AMTN: variants seen among roughly 807,000 people sequenced by gnomAD.
AMTN encodes RSTI689.
AMTN carries 29 observed loss-of-function variants against 27.4 expected under a neutral mutation model. That is an observed-to-expected ratio of 1.06 (90% CI 0.79 to 1.44). The LOEUF is 1.44. Among genes scored for constraint, AMTN ranks in the 40% most tolerant of loss-of-function variants. AMTN has a pLI of 0.00. For synonymous variants in AMTN, 86 were observed against 95.7 expected (o/e 0.90, Z 0.59); for missense variants, 247 against 248.8 (o/e 0.99, Z 0.05).
intron 5 of AMTN, among the ~76,000 whole-genome samples, chr4:70,527,894 T>C (rs150016649): frequency 5.6e-4 from 86 of 152,292 alleles, no homozygotes; most frequent in African/African-American, 1.9e-3. Context: ...CCTTGAATTA[T>C]TTCTCGCCTA....
chr4:70,529,631 C>T (rs1736173213), intron 7 of AMTN, among the ~76,000 whole-genome samples: 1 of 152,104 alleles, frequency 6.6e-6, no homozygotes, highest in Non-Finnish European at 1.5e-5. Flanking sequence ...TTTCCAGCGT[C>T]AGATAGTGAT....
At chr4:70,530,191 C>A (rs2109775117) in intron 7 of AMTN, among the ~76,000 whole-genome samples, 1 of 151,360 alleles carries the variant, frequency 6.6e-6, no homozygotes, top group East Asian at 1.9e-4. Context: ...ACACAACTCA[C>A]AATAGCAACT....
chr4:70,525,065 G>A, intron 5 of AMTN, 104 bp downstream of exon 5: 16 of 1,004,736 alleles, frequency 1.6e-5, no homozygotes, highest in Non-Finnish European at 2.4e-5. Context: ...ATTTTGCCCA[G>A]ATTATTAACT....
intron 2 of AMTN, among the ~76,000 whole-genome samples, chr4:70,519,826 G>A (rs901997400): frequency 2.6e-5 from 4 of 151,736 alleles, no homozygotes; most frequent in African/African-American, 9.7e-5. Context: ...TGAAGGAAAT[G>A]AACAGGGTGG....
Position 70,520,810 on chromosome 4 carries a change from A to T in AMTN, c.55-1945A>T, listed in dbSNP as rs1735936249. The stretch of plus-strand genomic sequence containing the variant: ...GGGCAGGCTGCATGTTCAGGACAGC[A>T]GTCAGGTTTGGCCTCAATAAGAGGG... On this transcript the variant is annotated intron_variant, in intron 2 of 8. Transcript: ENST00000339336. Among the ~76,000 whole-genome samples, 10 of 152,298 alleles carry T rather than the reference A, an allele frequency of 6.6e-5. No individual in the cohort carries two copies. The South Asian group carries it at 2.1e-3, about 32-fold the overall frequency.
chr4:70,524,912 A>G lies in AMTN; in HGVS notation c.245A>G (p.His82Arg). The G allele has an allele frequency of 6.2e-7, 1 of 1,614,040 alleles. No homozygotes were observed. Among genetic ancestry groups the G allele is most frequent in the Non-Finnish European group, 8.5e-7 (1 of 1,179,944 alleles). ...GGAATGACACCTGGTACCCAGACCC[A>G]CCCATTGACCCTGGGAGGGTTGAAT... Reference protein sequence around the residue: ...AAGMTPGTQTHPLTLGGLNVQ... With the variant: ...AAGMTPGTQTRPLTLGGLNVQ... The change falls in exon 5 of 9, where the codon CAC (histidine) becomes CGC (arginine). Residue 82 changes from histidine (H) to arginine (R), a missense_variant. Coordinates refer to ENST00000339336, the MANE Select transcript of AMTN (RefSeq NM_212557.4).
chr4:70,518,683 G>A, intron 1 of AMTN, 29 bp downstream of exon 1: 2 of 997,854 alleles, frequency 2.0e-6, no homozygotes, highest in South Asian at 1.3e-5. Context: ...GTTTCAAGTA[G>A]AACTTTTGTT....
intron 8 of AMTN, 50 bp from the exon 9 acceptor site, chr4:70,532,405 G>A (rs1195209745): frequency 4.9e-6 from 7 of 1,430,218 alleles, no homozygotes; most frequent in African/African-American, 4.3e-5. Flanking sequence ...AGATATTTAT[G>A]TTAAATATAC....
chr4:70,527,578 G>C (rs1352663227), intron 5 of AMTN, among the ~76,000 whole-genome samples: 1 of 152,050 alleles, frequency 6.6e-6, no homozygotes, highest in East Asian at 1.9e-4. Flanking sequence ...TTCCTTGTTG[G>C]CATTCCATAG....
At chr4:70,528,074 C>G (rs916808088) in intron 5 of AMTN, among the ~76,000 whole-genome samples, 2 of 152,130 alleles carry the variant, frequency 1.3e-5, no homozygotes, top group Non-Finnish European at 2.9e-5. Flanking sequence ...TTCTGAGATG[C>G]CATTTGAAAG....
At chr4:70,520,073 A>AGT (rs1424605245) in intron 2 of AMTN, among the ~76,000 whole-genome samples, 1 of 79,422 alleles carries the variant, frequency 1.3e-5, no homozygotes, top group East Asian at 2.3e-4. Context: ...GATTCTTCAA[A>AGT]ATAGTTTCTC....
At chr4:70,521,919 C>T (rs1303968513) in intron 2 of AMTN, among the ~76,000 whole-genome samples, 3 of 152,078 alleles carry the variant, frequency 2.0e-5, no homozygotes, top group African/African-American at 4.8e-5. Flanking sequence ...CCACCGTGCC[C>T]AGCCCCAACC....
In AMTN at chr4:70,529,256, A is replaced by G. The variant is rs75622607; in HGVS notation, c.357+46A>G. On this transcript the variant is annotated intron_variant, in intron 7 of 8. Coordinates refer to ENST00000339336, the MANE Select transcript of AMTN (RefSeq NM_212557.4). The stretch of plus-strand genomic sequence containing the variant: ...ATTTCAAATTATTTTCACTTCTATC[A>G]CAATGTTTTCTGTCCTCATATAGTC... 2.0e-3 allele frequency: 2,903 copies of G among 1,422,806 alleles called. 52 individuals carry two copies. The African/African-American group carries it at 0.038, about 19-fold the overall frequency. The allele number at this position is 1,422,806 out of a possible 1,614,324, so 88.1% of individuals were successfully genotyped here.
At chr4:70,525,665 G>A (rs143261560) in intron 5 of AMTN, among the ~76,000 whole-genome samples, 86 of 152,304 alleles carry the variant, frequency 5.6e-4, no homozygotes, top group Middle Eastern at 3.4e-3. Context: ...GAAGGCCAAG[G>A]CAGGAGGATC....
At position 70,524,814 on chromosome 4, in the gene AMTN, T is replaced by G. The variant is rs375934548; in HGVS notation, c.205-58T>G. On this transcript the variant is annotated intron_variant, in intron 4 of 8. Transcript: ENST00000339336. Reference sequence around the variant, plus strand: ...TTACGTTTAGTAAAAACATTTTAGTTTCCTAAATGTCCAAACTGAAAAAAA... The same window carrying G: ...TTACGTTTAGTAAAAACATTTTAGTGTCCTAAATGTCCAAACTGAAAAAAA... 317 of 1,513,426 alleles carry G rather than the reference T, an allele frequency of 2.1e-4. 1 individual carries two copies. The East Asian group carries it at 5.1e-3, about 24-fold the overall frequency. 93.7% of individuals were successfully genotyped at this position (1,513,426 alleles called of 1,614,324 possible).
chr4:70,532,618 G>A lies in AMTN; in HGVS notation c.*153G>A. The A allele has an allele frequency of 1.4e-6, 1 of 692,352 alleles. No individual in the cohort carries two copies. The allele number at this position is 692,352 out of a possible 1,614,324, so 42.9% of individuals were successfully genotyped here. On this transcript the variant is annotated 3_prime_UTR_variant, in exon 9 of 9. Coordinates refer to ENST00000339336, the MANE Select transcript of AMTN (RefSeq NM_212557.4). The stretch of plus-strand genomic sequence containing the variant: ...ACCTGAAAATATTCTTGAAATTTCA[G>A]AAAATATGTTCTATGTAGAGAATCC...
intron 8 of AMTN, among the ~76,000 whole-genome samples, 174 bp downstream of exon 8, chr4:70,531,474 C>A (rs936352085): frequency 4.6e-5 from 7 of 152,162 alleles, no homozygotes; most frequent in African/African-American, 1.7e-4. Context: ...ACTCAGCCAC[C>A]AACCCCCAGG....
rs1365172471 is a variant in AMTN at position 70,532,437 on chromosome 4, T to G, written c.620-18T>G. The G allele has an allele frequency of 6.3e-7, 1 of 1,587,276 alleles. No individual in the cohort carries two copies. The highest frequency in any genetic ancestry group is 1.4e-5 in the African/African-American group (1 of 74,016). Reference sequence around the variant, plus strand: ...ATACTTTTTACCTACATTTAAAAGGTGTTTTATTTTCTTCCAGGAATTCAG... The same window carrying G: ...ATACTTTTTACCTACATTTAAAAGGGGTTTTATTTTCTTCCAGGAATTCAG... On this transcript the variant is annotated intron_variant, in intron 8 of 8. Coordinates refer to ENST00000339336, the MANE Select transcript of AMTN (RefSeq NM_212557.4).
chr4:70,530,932 C>G (rs1736205530), intron 7 of AMTN, 107 bp from the exon 8 acceptor site: 1 of 1,449,508 alleles, frequency 6.9e-7, no homozygotes, highest in Non-Finnish European at 9.3e-7. Flanking sequence ...TCTTCTCTGA[C>G]TTTACTCTCT....
Sources: gnomAD v4.1 joint callset for allele counts (sites outside exome capture counted in the v4.1 genomes callset) on GRCh38, gnomAD v4.1.1 for gene constraint, MANE v1.5 for transcripts, NCBI Gene and HGNC (gene_info 2026-07-23, HGNC 2026-07-21) for gene names.